PIEZO2: variants seen among roughly 807,000 people sequenced by gnomAD.
PIEZO2 encodes the protein piezo-type mechanosensitive ion channel component 2.
PIEZO2 carries 172 observed loss-of-function variants against 337.3 expected under a neutral mutation model. The observed-to-expected ratio is 0.51, with a 90% confidence interval of 0.45 to 0.58. PIEZO2 has a LOEUF of 0.58. Ranked by LOEUF, PIEZO2 falls within the 20% of genes least tolerant of loss-of-function variation. The pLI, the probability that PIEZO2 is intolerant of heterozygous loss-of-function variation, is 0.00. For missense variants in PIEZO2, 3,028 were observed against 3,391.3 expected, an observed-to-expected ratio of 0.89 and a Z score of 2.66; for synonymous variants, 1,251 against 1,228.5, an observed-to-expected ratio of 1.02 and a Z score of -0.38.
rs192130545 is a variant in PIEZO2 at position 10,726,533 on chromosome 18, T to G, written c.5029+4874A>C. On this transcript the variant is annotated intron_variant, in intron 36 of 55. Coordinates refer to ENST00000674853, the MANE Select transcript of PIEZO2 (RefSeq NM_001378183.1). The surrounding 1 kb of genome is among the most constrained non-coding windows in gnomAD (Gnocchi z 5.9). Reference sequence around the variant, plus strand: ...GTTCCTGTGGCGCGCTGCGCTGCTCTGCTCTGCTACACCAGCCGCCACGCT... The same window carrying G: ...GTTCCTGTGGCGCGCTGCGCTGCTCGGCTCTGCTACACCAGCCGCCACGCT... 1,917 of 1,455,468 alleles carry G rather than the reference T, an allele frequency of 1.3e-3. 44 individuals carry two copies. The Admixed American group carries it at 0.041, about 31-fold the overall frequency. 90.2% of individuals were successfully genotyped at this position (1,455,468 alleles called of 1,614,324 possible).
Position 10,929,462 on chromosome 18 carries a change from A to G in PIEZO2, c.287-18234T>C, listed in dbSNP as rs2031953930. On this transcript the variant is annotated intron_variant, in intron 3 of 55. Coordinates refer to ENST00000674853, the MANE Select transcript of PIEZO2 (RefSeq NM_001378183.1). The surrounding 1 kb of genome is among the most constrained non-coding windows in gnomAD (Gnocchi z 5.6). The stretch of plus-strand genomic sequence containing the variant: ...TAAGTAAGATTGGAATGTTTGAACA[A>G]AATGCTTTTGCCAGTTGCTTGCTGT... 6.6e-6 allele frequency among the ~76,000 whole-genome samples: 1 copy of G among 152,212 alleles called. No homozygotes were observed. Among genetic ancestry groups the G allele is most frequent in the Non-Finnish European group, 1.5e-5 (1 of 68,034 alleles).
chr18:10,777,712 T>A (rs1215331595), intron 18 of PIEZO2, among the ~76,000 whole-genome samples: 1 of 152,234 alleles, frequency 6.6e-6, no homozygotes, highest in Non-Finnish European at 1.5e-5. Flanking sequence ...ATTTGGAATA[T>A]GTGGTAATAT....
rs896375137 is a variant in PIEZO2, at chr18:10,903,149, T to A, written c.329+8037A>T. Among the ~76,000 whole-genome samples, 4 of 152,172 alleles carry A rather than the reference T, an allele frequency of 2.6e-5. No individual in the cohort carries two copies. The highest frequency in any genetic ancestry group is 7.2e-5 in the African/African-American group (3 of 41,446). ...TTATTCACCAAGTTGTAACTTCGAA[T>A]TCTACTTACCTAAAATGCGTTTGGC... is the stretch of plus-strand genomic sequence containing the variant. On this transcript the variant is annotated intron_variant, in intron 4 of 55. Coordinates refer to ENST00000674853, the MANE Select transcript of PIEZO2 (RefSeq NM_001378183.1). The surrounding 1 kb of genome is among the most constrained non-coding windows in gnomAD (Gnocchi z 4.1).
intron 2 of PIEZO2, among the ~76,000 whole-genome samples, chr18:10,990,501 A>G (rs1433038422): frequency 1.3e-5 from 2 of 152,158 alleles, no homozygotes; most frequent in African/African-American, 2.4e-5. Flanking sequence ...GCCCCCGTCC[A>G]TGCAGCTTTG....
In PIEZO2 at chr18:10,759,706, T is replaced by A. The variant is rs1455105249; in HGVS notation, c.3654A>T (p.Arg1218=). ...GGCTCAAGGGAAGGGCAGGCTCACC[T>A]CGGCAAGGAGCAGGTGGGATGCCAA... ...ICIGIPPAPC[R]DYPWRFKGAS... The change falls in exon 25 of 56, where the codon CGA becomes CGT. Residue 1218 remains arginine (R), a splice_region_variant and synonymous_variant. Coordinates refer to ENST00000674853, the MANE Select transcript of PIEZO2 (RefSeq NM_001378183.1). This position sits in a 1 kb window ranked among gnomAD's most constrained non-coding sequence, Gnocchi z 5.5. 2.0e-6 allele frequency: 3 copies of A among 1,537,240 alleles called. No individual in the cohort carries two copies. The East Asian group carries it at 7.3e-5, about 38-fold the overall frequency.
At chr18:11,076,005 C>T (rs1364305414) in intron 1 of PIEZO2, among the ~76,000 whole-genome samples, 1 of 152,028 alleles carries the variant, frequency 6.6e-6, no homozygotes, top group Non-Finnish European at 1.5e-5. Flanking sequence ...CCAGGATGGC[C>T]TGGATCTCCT....
intron 3 of PIEZO2, among the ~76,000 whole-genome samples, chr18:10,974,295 G>A (rs912399494): frequency 6.6e-6 from 1 of 152,154 alleles, no homozygotes; most frequent in Admixed American, 6.5e-5. Flanking sequence ...GTGGGCTTCT[G>A]GACCAAGTTT....
intron 3 of PIEZO2, among the ~76,000 whole-genome samples, chr18:10,933,370 C>T (rs2145203206): frequency 6.6e-6 from 1 of 152,182 alleles, no homozygotes. Context: ...TTCTTCATTT[C>T]TAAGATTACA....
At chr18:10,864,860 G>A (rs889448891) in intron 5 of PIEZO2, among the ~76,000 whole-genome samples, 1 of 152,200 alleles carries the variant, frequency 6.6e-6, no homozygotes, top group Non-Finnish European at 1.5e-5. Context: ...AATGAGAAGA[G>A]CATCTGTGCA....
rs116378920 is a variant in PIEZO2, at chr18:10,791,976, T to A, written c.1759-652A>T. Among the ~76,000 whole-genome samples the A allele has an allele frequency of 3.7e-3, 569 of 152,328 alleles. 1 individual carries two copies. The highest frequency in any genetic ancestry group is 0.013 in the African/African-American group (539 of 41,568). On this transcript the variant is annotated intron_variant, in intron 13 of 55. Transcript: ENST00000674853. ...GTTGTTTTTGTTTGAGAGGGAGTTT[T>A]GCTCTGGTTGTCCAGGCTGGAGTGT... is the stretch of plus-strand genomic sequence containing the variant.
chr18:10,723,517 G>C (rs1372723206), intron 36 of PIEZO2, among the ~76,000 whole-genome samples: 1 of 152,126 alleles, frequency 6.6e-6, no homozygotes, highest in African/African-American at 2.4e-5. Context: ...TACTAGTGAG[G>C]GTTTTGTTTT....
intron 1 of PIEZO2, among the ~76,000 whole-genome samples, chr18:11,081,375 T>C (rs2038734619): frequency 2.0e-5 from 3 of 152,216 alleles, no homozygotes; most frequent in South Asian, 2.1e-4. Flanking sequence ...TGAGTCCCAG[T>C]GGGCAGCCAG....
At chr18:10,768,493 G>A (rs1341074607) in intron 21 of PIEZO2, among the ~76,000 whole-genome samples, 1 of 152,224 alleles carries the variant, frequency 6.6e-6, no homozygotes, top group South Asian at 2.1e-4. Flanking sequence ...TGCAGGTGGG[G>A]TGACATCACG....
rs2040701879 is a variant in PIEZO2 at position 11,143,045 on chromosome 18, C to T, written c.64+5480G>A. ...AGTGAGCCAAGATCACGCCACTGCA[C>T]TCCAGCCTGGGTGACAGAGCAAGAC... On this transcript the variant is annotated intron_variant, in intron 1 of 55. Coordinates refer to ENST00000674853, the MANE Select transcript of PIEZO2 (RefSeq NM_001378183.1). This position sits in a 1 kb window ranked among gnomAD's most constrained non-coding sequence, Gnocchi z 4.9. Among the ~76,000 whole-genome samples the T allele has an allele frequency of 6.6e-6, 1 of 152,132 alleles. No individual in the cohort carries two copies. Among genetic ancestry groups the T allele is most frequent in the African/African-American group, 2.4e-5 (1 of 41,424 alleles).
intron 45 of PIEZO2, among the ~76,000 whole-genome samples, chr18:10,697,225 C>T (rs1180837044): frequency 6.6e-6 from 1 of 152,196 alleles, no homozygotes; most frequent in Non-Finnish European, 1.5e-5. Flanking sequence ...GCCACTGGCT[C>T]TCCTGCTCTC....
chr18:11,099,211 T>C lies in PIEZO2; in HGVS notation c.65-32989A>G, dbSNP rs754752934. Among the ~76,000 whole-genome samples, 1 of 152,262 alleles carries C rather than the reference T, an allele frequency of 6.6e-6. No individual in the cohort carries two copies. Among genetic ancestry groups the C allele is most frequent in the Non-Finnish European group, 1.5e-5 (1 of 68,046 alleles). The stretch of plus-strand genomic sequence containing the variant: ...TACAGTCCTGCATTCAGAAGTCTTA[T>C]AGACATATCTCTGCACATTTGTGCC... On this transcript the variant is annotated intron_variant, in intron 1 of 55. Transcript: ENST00000674853. The surrounding 1 kb of genome is among the most constrained non-coding windows in gnomAD (Gnocchi z 5.4).
In PIEZO2 at chr18:11,143,088, AAAAAAG is replaced by A. The variant is rs1037533692; in HGVS notation, c.64+5431_64+5436del. Among the ~76,000 whole-genome samples the A allele has an allele frequency of 1.3e-5, 2 of 152,232 alleles. No individual in the cohort carries two copies. Among genetic ancestry groups the A allele is most frequent in the African/African-American group, 4.8e-5 (2 of 41,464 alleles). On this transcript the variant is annotated intron_variant, in intron 1 of 55. Transcript: ENST00000674853. The surrounding 1 kb of genome is among the most constrained non-coding windows in gnomAD (Gnocchi z 4.9). The stretch of plus-strand genomic sequence containing the variant: ...AGCAAGACTCCGTCTCAAAAAAAAG[AAAAAAG>A]AAAAAGAAAAAGTTTTCCAATATTT...
rs149466958 is a variant in PIEZO2 at position 10,707,638 on chromosome 18, A to G, written c.5588+637T>C. On this transcript the variant is annotated intron_variant, in intron 40 of 55. Coordinates refer to ENST00000674853, the MANE Select transcript of PIEZO2 (RefSeq NM_001378183.1). The surrounding 1 kb of genome is among the most constrained non-coding windows in gnomAD (Gnocchi z 4.2). ...TGCAAATAATTTTATTTCTAAATGAATACTGTTTTAGGGTAGGATTTGGGA... is the reference window on the plus strand; with the variant it reads ...TGCAAATAATTTTATTTCTAAATGAGTACTGTTTTAGGGTAGGATTTGGGA... Among the ~76,000 whole-genome samples, 330 of 152,362 alleles carry G rather than the reference A, an allele frequency of 2.2e-3. 3 individuals carry two copies. Among genetic ancestry groups the G allele is most frequent in the African/African-American group, 7.1e-3 (294 of 41,582 alleles).
chr18:10,832,782 A>T (rs2040884712), intron 7 of PIEZO2, among the ~76,000 whole-genome samples: 2 of 152,296 alleles, frequency 1.3e-5, no homozygotes. Flanking sequence ...TCCTTGTTAA[A>T]ATGCCAATTC....
Sources: gnomAD v4.1 joint callset for allele counts (sites outside exome capture counted in the v4.1 genomes callset) on GRCh38, gnomAD v4.1.1 for gene constraint, Gnocchi (gnomAD v3.1) non-coding constraint, MANE v1.5 for transcripts, NCBI Gene and HGNC (gene_info 2026-07-23, HGNC 2026-07-21) for gene names.